SEMA6D: variants seen among roughly 807,000 people sequenced by gnomAD.
The protein encoded by SEMA6D is semaphorin-6D.
A neutral mutation model predicts 106.6 loss-of-function variants in SEMA6D; 35 were observed. The observed-to-expected ratio is 0.33, with a 90% CI of 0.25 to 0.44. SEMA6D has a LOEUF of 0.44. SEMA6D is among the 20% of genes least tolerant of loss of function. SEMA6D has a pLI of 1.00. For synonymous variants in SEMA6D, 499 were observed against 487.7 expected (o/e 1.02, Z -0.31); for missense variants, 1,185 against 1,345.9 (o/e 0.88, Z 1.87).
intron 1 of SEMA6D, chr15:47,730,231 C>G: frequency 6.5e-7 from 1 of 1,529,244 alleles, no homozygotes; most frequent in Non-Finnish European, 8.9e-7. Context: ...CGTTGCCGCC[C>G]CAGTGACGGC....
intron 2 of SEMA6D, among the ~76,000 whole-genome samples, chr15:47,421,956 T>G (rs58283091): frequency 0.012 from 1,812 of 152,156 alleles, 33 homozygotes; most frequent in African/African-American, 0.042. Flanking sequence ...ATTATAGATA[T>G]GTAACTTCAT....
At chr15:47,492,945 G>A (rs767046384) in intron 3 of SEMA6D, among the ~76,000 whole-genome samples, 5 of 151,934 alleles carry the variant, frequency 3.3e-5, no homozygotes, top group Non-Finnish European at 5.9e-5. Context: ...TTCCATATCC[G>A]TTACCAAGGT....
intron 3 of SEMA6D, among the ~76,000 whole-genome samples, chr15:47,590,731 T>A (rs2076423324): frequency 6.6e-6 from 1 of 151,988 alleles, no homozygotes; most frequent in Non-Finnish European, 1.5e-5. Context: ...GCAGCTGCAA[T>A]CCAACGAATA....
At chr15:47,272,122 G>C (rs569936907) in intron 1 of SEMA6D, among the ~76,000 whole-genome samples, 2 of 152,300 alleles carry the variant, frequency 1.3e-5, no homozygotes, top group East Asian at 1.9e-4. Context: ...GGTGTCTGAT[G>C]ATGAGCTAGA....
At chr15:47,367,670 ACGCTCACACGCGCGCG>A (rs771646268) in intron 1 of SEMA6D, among the ~76,000 whole-genome samples, 161 of 144,384 alleles carry the variant, frequency 1.1e-3, no homozygotes, top group Middle Eastern at 6.9e-3. Flanking sequence ...CTAAACACGC[ACGCTCACACGCGCGCG>A]CGCGCGCACA....
chr15:47,619,993 A>T (rs1375551122), intron 4 of SEMA6D, among the ~76,000 whole-genome samples: 1 of 152,260 alleles, frequency 6.6e-6, no homozygotes, highest in Middle Eastern at 3.4e-3. Context: ...TCAATACAGG[A>T]TGTGACTGAA....
intron 2 of SEMA6D, among the ~76,000 whole-genome samples, chr15:47,461,311 A>G (rs1010997704): frequency 1.3e-5 from 2 of 151,860 alleles, no homozygotes; most frequent in South Asian, 2.1e-4. Flanking sequence ...TCATTAGACT[A>G]CTTCTTCATT....
rs74013752 is a variant in SEMA6D, at chr15:47,229,639, T to C, written c.-239+45221T>C. ...ACCTTTGGTACTAGCATTTGGCTAA[T>C]CAAATTCTAAGATGTCTGCAGGACT... On this transcript the variant is annotated intron_variant, in intron 1 of 19. Coordinates refer to the SEMA6D transcript ENST00000558014. Among the ~76,000 whole-genome samples, 980 of 152,236 alleles carry C rather than the reference T, an allele frequency of 6.4e-3. 13 individuals carry two copies. Among genetic ancestry groups the C allele is most frequent in the African/African-American group, 0.022 (926 of 41,568 alleles).
At chr15:47,686,316 C>A (rs183565086) in intron 4 of SEMA6D, among the ~76,000 whole-genome samples, 1 of 152,288 alleles carries the variant, frequency 6.6e-6, no homozygotes, top group Admixed American at 6.5e-5. Context: ...TAAGTTCTAA[C>A]CCTCTGAAAC....
In SEMA6D at chr15:47,771,698, G is replaced by A. The variant is rs748723971; in HGVS notation, c.3135G>A (p.Thr1045=). The A allele has an allele frequency of 4.6e-5, 74 of 1,613,998 alleles. No homozygotes were observed. In the East Asian group the frequency reaches 1.4e-3, roughly 30 times the overall value. ...GTLPRTGLKR[T]PSLKPDVPPK... is the part of the protein sequence containing the mutation. Reference sequence around the variant, plus strand: ...TTCCTAGGACGGGACTAAAGAGGACGCCGTCCTTAAAACCTGACGTGCCAC... The same window carrying A: ...TTCCTAGGACGGGACTAAAGAGGACACCGTCCTTAAAACCTGACGTGCCAC... The change falls in exon 19 of 19, where the codon ACG becomes ACA. Residue 1045 remains threonine, a synonymous_variant. Transcript: ENST00000536845.
chr15:47,261,247 A>G (rs1361728126), intron 1 of SEMA6D, among the ~76,000 whole-genome samples: 3 of 152,132 alleles, frequency 2.0e-5, no homozygotes, highest in Non-Finnish European at 4.4e-5. Flanking sequence ...AAAAACCAAG[A>G]TAGAAGGAAC....
At chr15:47,524,788 T>G (rs971272318) in intron 3 of SEMA6D, among the ~76,000 whole-genome samples, 4 of 152,222 alleles carry the variant, frequency 2.6e-5, no homozygotes, top group Non-Finnish European at 5.9e-5. Context: ...AGTACATTGC[T>G]TAATAATTGC....
intron 1 of SEMA6D, among the ~76,000 whole-genome samples, chr15:47,319,830 G>C (rs184364776): frequency 1.3e-5 from 2 of 152,086 alleles, no homozygotes; most frequent in East Asian, 3.9e-4. Context: ...TCACAATATT[G>C]TTCCCCACCT....
At chr15:47,375,513 C>G (rs765245450) in intron 1 of SEMA6D, among the ~76,000 whole-genome samples, 1 of 152,094 alleles carries the variant, frequency 6.6e-6, no homozygotes, top group Admixed American at 6.6e-5. Flanking sequence ...AATATGCCTG[C>G]TGAATTATAA....
intron 1 of SEMA6D, among the ~76,000 whole-genome samples, chr15:47,267,446 C>A (rs1013223689): frequency 6.6e-6 from 1 of 151,700 alleles, no homozygotes; most frequent in Admixed American, 6.6e-5. Context: ...TATGTCTTTT[C>A]AAGCTACATA....
chr15:47,365,458 A>G (rs1346156062), intron 1 of SEMA6D, among the ~76,000 whole-genome samples: 5 of 152,216 alleles, frequency 3.3e-5, no homozygotes, highest in Non-Finnish European at 1.5e-5. Flanking sequence ...TTTCCCAGAT[A>G]GAAATTTGTT....
chr15:47,290,773 C>T (rs548576538), intron 1 of SEMA6D, among the ~76,000 whole-genome samples: 2 of 152,186 alleles, frequency 1.3e-5, no homozygotes, highest in African/African-American at 2.4e-5. Context: ...CTTTGTTAGT[C>T]TTCTCTCCAA....
chr15:47,530,746 G>C (rs544120868), intron 3 of SEMA6D, among the ~76,000 whole-genome samples: 1 of 151,560 alleles, frequency 6.6e-6, no homozygotes, highest in Admixed American at 6.6e-5. Flanking sequence ...GTGTGGGTCC[G>C]AAGCCATGAT....
At chr15:47,678,029 A>G (rs1596606815) in intron 4 of SEMA6D, among the ~76,000 whole-genome samples, 1 of 152,310 alleles carries the variant, frequency 6.6e-6, no homozygotes, top group Middle Eastern at 3.4e-3. Context: ...CCCTGTGAAC[A>G]TTAATTTTCT....
Sources: gnomAD v4.1 joint callset for allele counts (sites outside exome capture counted in the v4.1 genomes callset) on GRCh38, gnomAD v4.1.1 for gene constraint, MANE v1.5 for transcripts, NCBI Gene and HGNC (gene_info 2026-07-23, HGNC 2026-07-21) for gene names.